Variants in RIMS1 observed in about 807,000 individuals in gnomAD.
The protein encoded by RIMS1 is regulating synaptic membrane exocytosis protein 1.
A neutral mutation model predicts 214.1 loss-of-function variants in RIMS1; 83 were observed. That is an observed-to-expected ratio of 0.39 (90% CI 0.32 to 0.47). RIMS1 has a LOEUF of 0.47. RIMS1 is among the 20% of genes least tolerant of loss of function. The pLI is 0.99. For synonymous variants in RIMS1, 793 were observed against 786.8 expected (o/e 1.01, Z -0.13); for missense variants, 2,050 against 2,161.8 (o/e 0.95, Z 1.03).
chr6:71,949,374 G>A (rs1476447746), intron 1 of RIMS1, among the ~76,000 whole-genome samples: 1 of 152,074 alleles, frequency 6.6e-6, no homozygotes, highest in Non-Finnish European at 1.5e-5. Flanking sequence ...GAGTGAGAGA[G>A]AACAACTGCT....
chr6:72,353,219 G>A (rs966416408), intron 29 of RIMS1, among the ~76,000 whole-genome samples: 18 of 151,846 alleles, frequency 1.2e-4, no homozygotes, highest in Non-Finnish European at 2.4e-4. Flanking sequence ...TCCTGACCTC[G>A]GGTGATCCAC....
rs116432103 is a variant in RIMS1 at position 72,178,771 on chromosome 6, A to C, written c.472-804A>C. On this transcript the variant is annotated intron_variant, in intron 4 of 33. Transcript: ENST00000521978. ...TTATGATAATCGTCCTCATTATTAC[A>C]TTCATTTTAAAGGTCATCAAATGGA... Among the ~76,000 whole-genome samples, 574 of 152,324 alleles carry C rather than the reference A, an allele frequency of 3.8e-3. 4 individuals are homozygous for C. The highest frequency in any genetic ancestry group is 0.013 in the African/African-American group (529 of 41,568).
At chr6:71,992,595 CCTCCTT>C (rs986937818) in intron 2 of RIMS1, among the ~76,000 whole-genome samples, 13 of 133,850 alleles carry the variant, frequency 9.7e-5, no homozygotes, top group East Asian at 8.5e-4. Context: ...TCCTTCTCCT[CCTCCTT>C]CTCCTTCTCC....
chr6:71,995,745 C>A (rs2151665434), intron 2 of RIMS1, among the ~76,000 whole-genome samples: 1 of 152,188 alleles, frequency 6.6e-6, no homozygotes, highest in East Asian at 1.9e-4. Flanking sequence ...TGGTGCCTTA[C>A]TGCACGCAAA....
At chr6:72,196,375 C>CTGTCTGTT (rs869125201) in intron 6 of RIMS1, among the ~76,000 whole-genome samples, 7,687 of 142,838 alleles carry the variant, frequency 0.054, 438 homozygotes, top group Non-Finnish European at 0.075. Flanking sequence ...GTCTGTCTGT[C>CTGTCTGTT]TGTCTATCTA....
chr6:72,113,698 T>G (rs1230592442), intron 4 of RIMS1, among the ~76,000 whole-genome samples: 2 of 152,168 alleles, frequency 1.3e-5, no homozygotes, highest in Non-Finnish European at 2.9e-5. Flanking sequence ...CAAGTGTTTT[T>G]TCTTCTTTAA....
intron 12 of RIMS1, among the ~76,000 whole-genome samples, chr6:72,249,927 G>A (rs886554525): frequency 6.6e-6 from 1 of 151,572 alleles, no homozygotes; most frequent in Non-Finnish European, 1.5e-5. Flanking sequence ...TTAACTACCT[G>A]TGACACCAGA....
chr6:72,161,945 T>C (rs2045489881), intron 4 of RIMS1, among the ~76,000 whole-genome samples: 1 of 140,936 alleles, frequency 7.1e-6, no homozygotes, highest in African/African-American at 2.5e-5. Context: ...GATATCCTTG[T>C]TAACTTTCTG....
chr6:72,299,877 C>A (rs556022780), intron 26 of RIMS1, among the ~76,000 whole-genome samples: 38 of 151,852 alleles, frequency 2.5e-4, no homozygotes, highest in Admixed American at 1.4e-3. Context: ...GCAAAGGTCT[C>A]AGTTTTATTT....
At chr6:72,254,858 G>A (rs959847837) in intron 16 of RIMS1, among the ~76,000 whole-genome samples, 2 of 152,050 alleles carry the variant, frequency 1.3e-5, no homozygotes, top group Non-Finnish European at 2.9e-5. Flanking sequence ...GTCCCTCAAA[G>A]TGTTTGCAAA....
intron 2 of RIMS1, among the ~76,000 whole-genome samples, chr6:72,003,354 A>G (rs1234837036): frequency 6.6e-6 from 1 of 152,058 alleles, no homozygotes; most frequent in Non-Finnish European, 1.5e-5. Flanking sequence ...TAAGTTCCAT[A>G]GGGCAGTGAT....
At chr6:72,173,189 T>C (rs975931608) in intron 4 of RIMS1, among the ~76,000 whole-genome samples, 2 of 152,214 alleles carry the variant, frequency 1.3e-5, no homozygotes, top group Admixed American at 1.3e-4. Flanking sequence ...GTATTGCTGA[T>C]GGGAATTCTG....
chr6:72,092,850 G>A (rs530850926), intron 2 of RIMS1, among the ~76,000 whole-genome samples: 7 of 152,038 alleles, frequency 4.6e-5, no homozygotes, highest in Non-Finnish European at 7.4e-5. Flanking sequence ...AGATCTCACC[G>A]TCATACCTCA....
chr6:72,342,603 G>A (rs1262698293), intron 29 of RIMS1, among the ~76,000 whole-genome samples: 1 of 150,462 alleles, frequency 6.6e-6, no homozygotes, highest in Non-Finnish European at 1.5e-5. Flanking sequence ...CTCTGTAATT[G>A]AGGGAGTAGT....
intron 1 of RIMS1, among the ~76,000 whole-genome samples, chr6:71,888,905 C>T (rs1768701865): frequency 6.6e-6 from 1 of 152,170 alleles, no homozygotes; most frequent in South Asian, 2.1e-4. Flanking sequence ...GAATGACGTC[C>T]CTGGTGCTGC....
chr6:72,090,713 T>G (rs772331945), intron 2 of RIMS1, among the ~76,000 whole-genome samples: 20 of 152,368 alleles, frequency 1.3e-4, no homozygotes, highest in Admixed American at 1.3e-3. Context: ...TTTATATTTA[T>G]GTATAACTTA....
At chr6:71,926,040 G>A (rs1020843234) in intron 1 of RIMS1, among the ~76,000 whole-genome samples, 14 of 152,056 alleles carry the variant, frequency 9.2e-5, no homozygotes, top group African/African-American at 2.2e-4. Context: ...CATTTCAACC[G>A]TTACTCTCAA....
intron 24 of RIMS1, among the ~76,000 whole-genome samples, chr6:72,285,671 T>C (rs1220960080): frequency 6.6e-6 from 1 of 152,188 alleles, no homozygotes; most frequent in Non-Finnish European, 1.5e-5. Flanking sequence ...GATAGATAGA[T>C]AGCCTTTGAT....
chr6:71,928,674 C>T (rs9446510), intron 1 of RIMS1, among the ~76,000 whole-genome samples: 19,221 of 151,844 alleles, frequency 0.13, 1,293 homozygotes, highest in South Asian at 0.27. Context: ...TCATCAAGTC[C>T]TTGAATTTCT....
Sources: gnomAD v4.1 joint callset for allele counts (sites outside exome capture counted in the v4.1 genomes callset) on GRCh38, gnomAD v4.1.1 for gene constraint, MANE v1.5 for transcripts, NCBI Gene and HGNC (gene_info 2026-07-23, HGNC 2026-07-21) for gene names.